DGKH: variants seen among roughly 807,000 people sequenced by gnomAD.
The protein encoded by DGKH is DAG kinase eta.
DGKH carries 90 observed loss-of-function variants against 159.3 expected under a neutral mutation model. That is an observed-to-expected ratio of 0.57 (90% CI 0.48 to 0.67). The LOEUF is 0.67. DGKH is among the 30% of genes least tolerant of loss of function. The probability of loss-of-function intolerance (pLI) is 0.00; values close to 1 mark genes in which losing one functional copy is unlikely to be tolerated. For missense variants in DGKH, 1,181 were observed against 1,506.1 expected, an observed-to-expected ratio of 0.78 and a Z score of 3.57; for synonymous variants, 536 against 553.8, an observed-to-expected ratio of 0.97 and a Z score of 0.45.
intron 3 of DGKH, among the ~76,000 whole-genome samples, chr13:42,129,898 A>G (rs991920280): frequency 3.9e-5 from 6 of 152,182 alleles, no homozygotes; most frequent in Non-Finnish European, 7.3e-5. Context: ...CCTCCTCTAA[A>G]TTAATACTTC....
chr13:42,086,931 C>G (rs1954314505), intron 1 of DGKH, among the ~76,000 whole-genome samples: 1 of 152,002 alleles, frequency 6.6e-6, no homozygotes, highest in Non-Finnish European at 1.5e-5. Flanking sequence ...GAGTTGGGAA[C>G]CACACAGAAA....
intron 1 of DGKH, among the ~76,000 whole-genome samples, chr13:42,073,095 G>T (rs996460217): frequency 6.6e-6 from 1 of 152,162 alleles, no homozygotes; most frequent in Non-Finnish European, 1.5e-5. Context: ...AAAAGGGAAT[G>T]GTTCTAGTTT....
chr13:42,053,090 C>G (rs563202846), intron 1 of DGKH, among the ~76,000 whole-genome samples: 1 of 152,138 alleles, frequency 6.6e-6, no homozygotes, highest in South Asian at 2.1e-4. Context: ...AATCCTACCA[C>G]TTTGAGAGGC....
intron 29 of DGKH, among the ~76,000 whole-genome samples, chr13:42,221,603 G>T (rs1389592140): frequency 1.3e-5 from 2 of 152,260 alleles, no homozygotes; most frequent in South Asian, 4.1e-4. Flanking sequence ...CTCTATTATA[G>T]CTAAAGCTTA....
intron 29 of DGKH, among the ~76,000 whole-genome samples, chr13:42,222,974 C>A (rs1368926292): frequency 6.6e-6 from 1 of 152,166 alleles, no homozygotes; most frequent in East Asian, 1.9e-4. Flanking sequence ...AGAAAACGTT[C>A]TTTTTGCTTT....
intron 29 of DGKH, among the ~76,000 whole-genome samples, chr13:42,223,994 G>C (rs1958054422): frequency 6.6e-6 from 1 of 152,106 alleles, no homozygotes; most frequent in Non-Finnish European, 1.5e-5. Context: ...AACATGCAAT[G>C]TTTGTCTTCC....
At chr13:42,207,337 A>AC (rs1436118022) in intron 21 of DGKH, among the ~76,000 whole-genome samples, 1 of 150,966 alleles carries the variant, frequency 6.6e-6, no homozygotes, top group Non-Finnish European at 1.5e-5. Flanking sequence ...CTACAGGCAC[A>AC]CACCACCACA....
chr13:42,116,086 T>G (rs1469631899), intron 1 of DGKH, among the ~76,000 whole-genome samples: 1 of 152,176 alleles, frequency 6.6e-6, no homozygotes, highest in East Asian at 1.9e-4. Context: ...TCACATATCA[T>G]CATAGCACAT....
intron 3 of DGKH, among the ~76,000 whole-genome samples, chr13:42,141,573 C>A (rs1460922754): frequency 1.3e-5 from 2 of 152,116 alleles, no homozygotes; most frequent in African/African-American, 4.8e-5. Flanking sequence ...TTGTTTCCTG[C>A]CTTTTAATGA....
At chr13:42,206,455 T>A (rs1266858458) in intron 21 of DGKH, among the ~76,000 whole-genome samples, 1 of 152,130 alleles carries the variant, frequency 6.6e-6, no homozygotes, top group African/African-American at 2.4e-5. Flanking sequence ...AAGGGAAGAT[T>A]TTACTTTTTA....
intron 24 of DGKH, 128 bp downstream of exon 24, chr13:42,210,893 C>T: frequency 1.3e-6 from 1 of 750,190 alleles, no homozygotes; most frequent in East Asian, 2.7e-5. Flanking sequence ...CTTCACACAG[C>T]ACTCTTTCCA....
rs754636578 is a variant in DGKH, at chr13:42,155,649, C to G, written c.490-18C>G. 8.1e-6 allele frequency: 13 copies of G among 1,614,058 alleles called. No homozygotes were observed. The Admixed American group carries it at 2.0e-4, about 25-fold the overall frequency. ...TGTTCACTGGCTTGGCAAATCTGTC[C>G]TCACATCTCATTTCTAGGTGGCCCA... On this transcript the variant is annotated intron_variant, in intron 4 of 29. Coordinates refer to ENST00000337343, the MANE Select transcript of DGKH (RefSeq NM_178009.5).
Position 42,230,927 on chromosome 13 carries a change from T to A in DGKH, c.*1739T>A, listed in dbSNP as rs922970511. The A allele has an allele frequency of 1.3e-5, 2 of 152,178 alleles. No homozygotes were observed. Among genetic ancestry groups the A allele is most frequent in the African/African-American group, 4.8e-5 (2 of 41,448 alleles). 9.4% of individuals were successfully genotyped at this position (152,178 alleles called of 1,614,324 possible). On this transcript the variant is annotated 3_prime_UTR_variant, in exon 30 of 30. Transcript: ENST00000337343. ...TATAACTTGGGTATTTAACTACTAG[T>A]AAAAATCACAAAATTTTAATGTCTT...
At chr13:42,115,714 C>A (rs1437394104) in intron 1 of DGKH, among the ~76,000 whole-genome samples, 1 of 152,132 alleles carries the variant, frequency 6.6e-6, no homozygotes, top group African/African-American at 2.4e-5. Context: ...AGGTGGGGCA[C>A]TTATGGACAA....
intron 1 of DGKH, among the ~76,000 whole-genome samples, chr13:42,098,863 C>T (rs1455066094): frequency 6.6e-6 from 1 of 152,188 alleles, no homozygotes; most frequent in Non-Finnish European, 1.5e-5. Context: ...AGAAAAATAA[C>T]TTTTAATATG....
chr13:42,220,388 G>A (rs377495091), intron 28 of DGKH, among the ~76,000 whole-genome samples: 8 of 152,138 alleles, frequency 5.3e-5, no homozygotes, highest in South Asian at 4.2e-4. Flanking sequence ...TATTTCTCTC[G>A]TTCCTTTTTC....
chr13:42,168,377 C>A, intron 9 of DGKH, 63 bp from the exon 10 acceptor site: 1 of 1,388,544 alleles, frequency 7.2e-7, no homozygotes, highest in Non-Finnish European at 1.0e-6. Context: ...TACAGAATAA[C>A]AAAGAATTGA....
At chr13:42,155,843 A>G (rs941691268) in intron 5 of DGKH, 44 bp downstream of exon 5, 1 of 1,606,504 alleles carries the variant, frequency 6.2e-7, no homozygotes, top group African/African-American at 1.3e-5. Context: ...CAGTAACCAT[A>G]CTGTAGACAT....
intron 11 of DGKH, among the ~76,000 whole-genome samples, chr13:42,170,653 A>T (rs1480995500): frequency 7.9e-5 from 12 of 152,074 alleles, no homozygotes; most frequent in African/African-American, 2.9e-4. Flanking sequence ...GTTTGTAAAG[A>T]ACAAGTGGGT....
Sources: gnomAD v4.1 joint callset for allele counts (sites outside exome capture counted in the v4.1 genomes callset) on GRCh38, gnomAD v4.1.1 for gene constraint, MANE v1.5 for transcripts, NCBI Gene and HGNC (gene_info 2026-07-23, HGNC 2026-07-21) for gene names.